The following ACTN1 variants were observed in gnomAD, a reference collection of about 807,000 sequenced individuals.
ACTN1 encodes the protein alpha-actinin-1.
ACTN1 carries 30 observed loss-of-function variants against 119.6 expected under a neutral mutation model. That is an observed-to-expected ratio of 0.25 (90% CI 0.19 to 0.34). The LOEUF (loss-of-function observed/expected upper bound fraction) is 0.34, where lower values mean the gene tolerates loss of function less well. Among genes scored for constraint, ACTN1 ranks in the 10% least tolerant of loss-of-function variants. The probability of loss-of-function intolerance (pLI) is 1.00; values close to 1 mark genes in which losing one functional copy is unlikely to be tolerated. For missense variants in ACTN1, 764 were observed against 1,223.4 expected (o/e 0.62, Z 5.60); for synonymous variants, 429 against 472.6 (o/e 0.91, Z 1.20).
At chr14:68,884,145 C>G (rs753104143) in intron 14 of ACTN1, 23 bp downstream of exon 14, 2 of 1,601,446 alleles carry the variant, frequency 1.2e-6, no homozygotes, top group Non-Finnish European at 1.7e-6. Flanking sequence ...AGCCAGCCTC[C>G]GGGGAGTGGA....
intron 1 of ACTN1, among the ~76,000 whole-genome samples, chr14:68,941,348 A>G (rs1239146066): frequency 6.6e-6 from 1 of 152,226 alleles, no homozygotes; most frequent in Admixed American, 6.5e-5. Context: ...CCAGTTTCTG[A>G]TTCCAAAGTT....
intron 1 of ACTN1, among the ~76,000 whole-genome samples, chr14:68,938,295 C>T (rs1803039903): frequency 6.6e-6 from 1 of 152,184 alleles, no homozygotes; most frequent in Non-Finnish European, 1.5e-5. Flanking sequence ...ACTGCTCTAA[C>T]AGCCTGTCCC....
chr14:68,892,261 G>T lies in ACTN1; in HGVS notation c.878C>A (p.Thr293Lys). 1.2e-6 allele frequency: 2 copies of T among 1,613,590 alleles called. No homozygotes were observed. The highest frequency in any genetic ancestry group is 1.7e-6 in the Non-Finnish European group (2 of 1,179,644). The change falls in exon 10 of 22, where the codon ACA becomes AAA. Residue 293 changes from threonine (T) to lysine (K), a missense_variant. Coordinates refer to ENST00000394419, the MANE Select transcript of ACTN1 (RefSeq NM_001130004.2). ...ASDLLEWIRR[T>K]IPWLENRVPE... ...CACCCGGTTCTCCAGCCACGGGATTGTGCGGCGGATCCACTCCAACAGCTA... is the reference window on the plus strand; with the variant it reads ...CACCCGGTTCTCCAGCCACGGGATTTTGCGGCGGATCCACTCCAACAGCTA...
chr14:68,881,936 CTT>C lies in ACTN1; in HGVS notation c.1953+520_1953+521del, dbSNP rs781067137. Among the ~76,000 whole-genome samples the C allele has an allele frequency of 2.7e-4, 16 of 58,390 alleles. 1 individual carries two copies. Among genetic ancestry groups the C allele is most frequent in the Admixed American group, 5.8e-4 (3 of 5,144 alleles). The allele number at this position is 58,390 out of a possible 152,430, so 38.3% of individuals were successfully genotyped here. A position where few individuals can be genotyped will look rare whatever the true frequency, so the allele number is the denominator to read the frequency against. Reference sequence around the variant, plus strand: ...AGTATGGGACTTTCATAGGCAGCTTCTTTTTTTTTTTTTTTTTTTGACAGAGT... The same window carrying C: ...AGTATGGGACTTTCATAGGCAGCTTCTTTTTTTTTTTTTTTTTGACAGAGT... On this transcript the variant is annotated intron_variant, in intron 16 of 21. Transcript: ENST00000394419.
intron 8 of ACTN1, among the ~76,000 whole-genome samples, chr14:68,897,346 A>G (rs1394036051): frequency 6.6e-6 from 1 of 151,516 alleles, no homozygotes; most frequent in Non-Finnish European, 1.5e-5. Flanking sequence ...TAACATATAC[A>G]CTTTGTTGTA....
At chr14:68,902,037 G>A (rs2033376783) in intron 8 of ACTN1, among the ~76,000 whole-genome samples, 2 of 152,240 alleles carry the variant, frequency 1.3e-5, no homozygotes, top group Non-Finnish European at 2.9e-5. Context: ...TGATGCCTTT[G>A]CCAAGTGGGT....
At chr14:68,937,825 G>T (rs1490980322) in intron 1 of ACTN1, among the ~76,000 whole-genome samples, 6 of 152,230 alleles carry the variant, frequency 3.9e-5, no homozygotes, top group African/African-American at 1.4e-4. Context: ...CACCCTGCCA[G>T]CCCAAGCCAG....
chr14:68,933,556 G>A (rs2035334792), intron 1 of ACTN1, among the ~76,000 whole-genome samples: 2 of 152,204 alleles, frequency 1.3e-5, no homozygotes, highest in South Asian at 4.1e-4. Context: ...GTGCATGAGA[G>A]CTACTCAATG....
chr14:68,977,808 C>CCCG, intron 1 of ACTN1: 1 of 367,548 alleles, frequency 2.7e-6, no homozygotes. Flanking sequence ...TGTCCCCCCC[C>CCCG]CACCCAAAAC....
chr14:68,957,834 G>A (rs1366147197), intron 1 of ACTN1, among the ~76,000 whole-genome samples: 1 of 152,328 alleles, frequency 6.6e-6, no homozygotes, highest in South Asian at 2.1e-4. Context: ...CTGGCCCAGA[G>A]AATGTCTGGT....
intron 8 of ACTN1, 34 bp downstream of exon 8, chr14:68,902,443 G>A (rs1370114319): frequency 6.4e-7 from 1 of 1,571,606 alleles, no homozygotes; most frequent in East Asian, 2.2e-5. Context: ...CAGGAGGTGT[G>A]CTGGGCATGG....
chr14:68,889,998 T>C (rs981031546), intron 11 of ACTN1, 141 bp downstream of exon 11: 4 of 1,281,012 alleles, frequency 3.1e-6, no homozygotes, highest in Middle Eastern at 2.7e-4. Flanking sequence ...AGAAGGCTAA[T>C]GAACTTGCCT....
At chr14:68,957,128 A>G (rs1046060025) in intron 1 of ACTN1, among the ~76,000 whole-genome samples, 1 of 152,174 alleles carries the variant, frequency 6.6e-6, no homozygotes, top group Non-Finnish European at 1.5e-5. Flanking sequence ...AAATTGGAAA[A>G]CTGAAAGCTG....
chr14:68,947,244 G>A (rs2035973178), intron 1 of ACTN1: 3 of 152,210 alleles, frequency 2.0e-5, no homozygotes, highest in Admixed American at 2.0e-4. Context: ...GCAACTCTGG[G>A]CTACAGAAAT....
chr14:68,888,014 A>C, intron 11 of ACTN1: 1 of 745,940 alleles, frequency 1.3e-6, no homozygotes, highest in Non-Finnish European at 2.5e-6. Flanking sequence ...TTTAACTGAC[A>C]ACCGCGCCGA....
chr14:68,979,247 G>T lies in ACTN1; in HGVS notation c.-191C>A. 1 of 441,680 alleles carries T rather than the reference G, an allele frequency of 2.3e-6. No homozygotes were observed. The highest frequency in any genetic ancestry group is 3.9e-6 in the Non-Finnish European group (1 of 253,342). 27.4% of individuals were successfully genotyped at this position (441,680 alleles called of 1,614,324 possible). On this transcript the variant is annotated 5_prime_UTR_variant, in exon 1 of 22. Transcript: ENST00000394419. ...CTACTGGCGGCGACAGCGGCGGCTG[G>T]GCTCGCGGACTGCCTGCCTCTGGGC...
chr14:68,892,644 C>T (rs2032581943), intron 9 of ACTN1, among the ~76,000 whole-genome samples: 1 of 152,158 alleles, frequency 6.6e-6, no homozygotes, highest in Non-Finnish European at 1.5e-5. Flanking sequence ...CCTCAGTTTC[C>T]TCATCTATAC....
At chr14:68,901,095 A>G (rs889660327) in intron 8 of ACTN1, 1 of 152,378 alleles carries the variant, frequency 6.6e-6, no homozygotes, top group African/African-American at 2.4e-5. Context: ...AGAAAAAATG[A>G]AACAGCAGGG....
intron 1 of ACTN1, among the ~76,000 whole-genome samples, chr14:68,957,914 C>A (rs1285701672): frequency 6.6e-6 from 1 of 152,148 alleles, no homozygotes; most frequent in Non-Finnish European, 1.5e-5. Context: ...CTCGCACTTC[C>A]CTTCCATTTT....
Sources: gnomAD v4.1 joint callset for allele counts (sites outside exome capture counted in the v4.1 genomes callset) on GRCh38, gnomAD v4.1.1 for gene constraint, MANE v1.5 for transcripts, NCBI Gene and HGNC (gene_info 2026-07-23, HGNC 2026-07-21) for gene names.